Variants in WDFY3 observed in about 807,000 individuals in gnomAD.
WDFY3 encodes the protein WD repeat and FYVE domain-containing protein 3.
A neutral mutation model predicts 409.6 loss-of-function variants in WDFY3; 66 were observed. The observed-to-expected ratio is 0.16, with a 90% confidence interval of 0.13 to 0.20. WDFY3 has a LOEUF of 0.20. Among genes scored for constraint, WDFY3 ranks in the 10% least tolerant of loss-of-function variants. The pLI, the probability that WDFY3 is intolerant of heterozygous loss-of-function variation, is 1.00. For synonymous variants in WDFY3, 1,521 were observed against 1,537.1 expected (o/e 0.99, Z 0.25); for missense variants, 3,031 against 4,298.1 (o/e 0.71, Z 8.24).
At chr4:84,946,250 A>G (rs913039414) in intron 1 of WDFY3, among the ~76,000 whole-genome samples, 2 of 152,204 alleles carry the variant, frequency 1.3e-5, no homozygotes, top group African/African-American at 4.8e-5. Flanking sequence ...CTTTGTGCTC[A>G]GATGTAAAAC....
In WDFY3 at chr4:84,775,084, C is replaced by T; in HGVS notation, c.4573G>A (p.Glu1525Lys). ...LHLSLFEHFI[E>K]LLTESSEASK... Reference sequence around the variant, plus strand: ...TAATACCTGGACTCTGTGAGCAGTTCAATAAAGTGTTCAAATAAGGAAAGA... The same window carrying T: ...TAATACCTGGACTCTGTGAGCAGTTTAATAAAGTGTTCAAATAAGGAAAGA... The change falls in exon 28 of 68, where the codon GAA (glutamate) becomes AAA (lysine). Residue 1525 changes from glutamate to lysine, a missense_variant. Physicochemically the swap from Glu to Lys is moderately conservative, Grantham distance 56 (BLOSUM62 1). Transcript: ENST00000295888. The T allele has an allele frequency of 6.2e-7, 1 of 1,613,432 alleles. No homozygotes were observed. The highest frequency in any genetic ancestry group is 8.5e-7 in the Non-Finnish European group (1 of 1,179,784).
In WDFY3 at chr4:84,803,483, G is replaced by A; in HGVS notation, c.2430-16C>T. The A allele has an allele frequency of 6.3e-7, 1 of 1,592,370 alleles. No individual in the cohort carries two copies. Among genetic ancestry groups the A allele is most frequent in the Non-Finnish European group, 8.5e-7 (1 of 1,170,506 alleles). ...ATATGCATGCCTATAAAAAAAGAAA[G>A]AGTAAATTTGGTATTGAATTCCAAT... On this transcript the variant is annotated splice_polypyrimidine_tract_variant and intron_variant, in intron 15 of 67. Transcript: ENST00000295888.
chr4:84,673,101 T>TGG, intron 67 of WDFY3, 110 bp from the exon 68 acceptor site: 2 of 1,438,234 alleles, frequency 1.4e-6, no homozygotes, highest in Non-Finnish European at 9.5e-7. Flanking sequence ...CCAAAGGCCA[T>TGG]ACTGGTTTGT....
intron 1 of WDFY3, among the ~76,000 whole-genome samples, chr4:84,945,963 C>A (rs1481276813): frequency 6.6e-6 from 1 of 152,064 alleles, no homozygotes; most frequent in Admixed American, 6.6e-5. Flanking sequence ...GGTGACTGCT[C>A]CTGACCATCA....
chr4:84,920,253 C>A (rs960749124), intron 2 of WDFY3, among the ~76,000 whole-genome samples: 1 of 152,096 alleles, frequency 6.6e-6, no homozygotes, highest in Non-Finnish European at 1.5e-5. Flanking sequence ...CCATAGAAGG[C>A]ACTTATTCAG....
chr4:84,942,652 G>T (rs1213567906), intron 1 of WDFY3, among the ~76,000 whole-genome samples: 1 of 152,152 alleles, frequency 6.6e-6, no homozygotes, highest in Non-Finnish European at 1.5e-5. Context: ...TCTAGTTGCT[G>T]CATATCCTTA....
intron 29 of WDFY3, among the ~76,000 whole-genome samples, chr4:84,773,376 A>G (rs1247266741): frequency 1.3e-5 from 2 of 152,214 alleles, no homozygotes; most frequent in Admixed American, 6.5e-5. Flanking sequence ...ACCAAACAAC[A>G]TGATCCATAT....
At position 84,841,207 on chromosome 4, in the gene WDFY3, T is replaced by C. The variant is rs1243227792; in HGVS notation, c.361A>G (p.Ser121Gly). 1.9e-6 allele frequency: 3 copies of C among 1,613,256 alleles called. No individual in the cohort carries two copies. Among genetic ancestry groups the C allele is most frequent in the Non-Finnish European group, 2.5e-6 (3 of 1,179,862 alleles). The change falls in exon 6 of 68, where the codon AGT (serine) becomes GGT (glycine). Residue 121 changes from serine (S) to glycine (G), a missense_variant. Physicochemically the swap from Ser to Gly is moderately conservative, Grantham distance 56. Transcript: ENST00000295888. ...FLEINQSEEA[S>G]RGWMLLTTIN... ...GTCGTTAGAAGCATCCAGCCTCTACTGGCTTCTTCACTCTGATTAATCTCT... is the reference window on the plus strand; with the variant it reads ...GTCGTTAGAAGCATCCAGCCTCTACCGGCTTCTTCACTCTGATTAATCTCT...
At chr4:84,882,665 C>T (rs1763693571) in intron 3 of WDFY3, among the ~76,000 whole-genome samples, 1 of 151,642 alleles carries the variant, frequency 6.6e-6, no homozygotes, top group Admixed American at 6.6e-5. Flanking sequence ...ACAAAAATTA[C>T]TTGTCAGTGG....
chr4:84,757,696 A>T (rs145138136), intron 32 of WDFY3, among the ~76,000 whole-genome samples: 2 of 152,174 alleles, frequency 1.3e-5, no homozygotes, highest in East Asian at 3.9e-4. Flanking sequence ...CTCCCACCTC[A>T]GCCTCCTGAG....
At chr4:84,773,665 T>G (rs1250493797) in intron 29 of WDFY3, among the ~76,000 whole-genome samples, 1 of 152,230 alleles carries the variant, frequency 6.6e-6, no homozygotes, top group Non-Finnish European at 1.5e-5. Context: ...TAATGATAAT[T>G]ATAATTAATT....
At chr4:84,929,218 C>G (rs1425165637) in intron 2 of WDFY3, among the ~76,000 whole-genome samples, 5 of 152,038 alleles carry the variant, frequency 3.3e-5, no homozygotes, top group Admixed American at 2.6e-4. Flanking sequence ...TCCCTTAGTT[C>G]AACAATCAGT....
rs967036213 is a variant in WDFY3, at chr4:84,737,180, T to G, written c.6757+4A>C. ...CCTGGTGGTATGATCTCTGTAGGCCTTACCCAAATGATTCTGCCAGCACTT... is the reference window on the plus strand; with the variant it reads ...CCTGGTGGTATGATCTCTGTAGGCCGTACCCAAATGATTCTGCCAGCACTT... On this transcript the variant is annotated splice_donor_region_variant and intron_variant, in intron 41 of 67. Transcript: ENST00000295888. 34 of 1,614,016 alleles carry G rather than the reference T, an allele frequency of 2.1e-5. No homozygotes were observed. The highest frequency in any genetic ancestry group is 2.8e-5 in the Non-Finnish European group (33 of 1,180,014).
chr4:84,795,885 T>C (rs1236331129), intron 19 of WDFY3, among the ~76,000 whole-genome samples: 1 of 152,192 alleles, frequency 6.6e-6, no homozygotes, highest in African/African-American at 2.4e-5. Flanking sequence ...AGATTCATTA[T>C]TGCCATTTCT....
Position 84,850,334 on chromosome 4 carries a change from G to C in WDFY3, c.181-309C>G, listed in dbSNP as rs537228897. Among the ~76,000 whole-genome samples, 13 of 150,536 alleles carry C rather than the reference G, an allele frequency of 8.6e-5. No homozygotes were observed. In the East Asian group the frequency reaches 2.1e-3, roughly 25 times the overall value. ...AAATTATAACGTTTCTTTTTTTTTG[G>C]GGGGGACAGATTCTCACTCTGTCGC... On this transcript the variant is annotated intron_variant, in intron 4 of 67. Transcript: ENST00000295888.
intron 43 of WDFY3, 144 bp from the exon 44 acceptor site, chr4:84,733,753 T>C (rs1736987828): frequency 1.2e-6 from 1 of 820,568 alleles, no homozygotes; most frequent in Non-Finnish European, 1.9e-6. Context: ...TAAAATTACA[T>C]TTGTTTATGG....
chr4:84,955,985 GA>G (rs1012585890), intron 1 of WDFY3, among the ~76,000 whole-genome samples: 3 of 149,946 alleles, frequency 2.0e-5, no homozygotes, highest in Non-Finnish European at 4.5e-5. Flanking sequence ...GTTGTCCTTT[GA>G]AAAAAAAATA....
chr4:84,944,016 T>C (rs933240803), intron 1 of WDFY3, among the ~76,000 whole-genome samples: 1 of 152,300 alleles, frequency 6.6e-6, no homozygotes, highest in South Asian at 2.1e-4. Flanking sequence ...ATGGAAACTT[T>C]AGGTTGATGG....
intron 3 of WDFY3, among the ~76,000 whole-genome samples, chr4:84,892,381 A>T (rs1311782259): frequency 6.6e-6 from 1 of 152,104 alleles, no homozygotes; most frequent in Non-Finnish European, 1.5e-5. Flanking sequence ...GGACTCTAAA[A>T]AAAAGTATTA....
Sources: gnomAD v4.1 joint callset for allele counts (sites outside exome capture counted in the v4.1 genomes callset) on GRCh38, gnomAD v4.1.1 for gene constraint, MANE v1.5 for transcripts, NCBI Gene and HGNC (gene_info 2026-07-23, HGNC 2026-07-21) for gene names.